CCDC137: variants seen among roughly 807,000 people sequenced by gnomAD.
The protein encoded by CCDC137 is coiled-coil domain containing 137.
Under a neutral mutation model 30.4 loss-of-function variants are expected in CCDC137, and 24 were observed. The observed-to-expected ratio is 0.79, with a 90% CI of 0.57 to 1.11. CCDC137 has a LOEUF of 1.11. Among genes scored for constraint, CCDC137 ranks in the 50% least tolerant of loss-of-function variants. CCDC137 has a pLI of 0.00. For missense variants in CCDC137, 417 were observed against 380.4 expected, an observed-to-expected ratio of 1.10 and a Z score of -0.80; for synonymous variants, 182 against 155.7, an observed-to-expected ratio of 1.17 and a Z score of -1.26.
chr17:81,672,860 G>C lies in CCDC137; in HGVS notation c.*156G>C. On this transcript the variant is annotated 3_prime_UTR_variant, in exon 6 of 6. Transcript: ENST00000329214. ...GCACTAGTGGGTCCACATCTTGCAG[G>C]GGGTGAGTGCCCGATGGACTAGGGC... The C allele has an allele frequency of 1.4e-6, 1 of 712,000 alleles. No individual in the cohort carries two copies. The highest frequency in any genetic ancestry group is 2.3e-6 in the Non-Finnish European group (1 of 439,790). The allele number at this position is 712,000 out of a possible 1,614,324, so 44.1% of individuals were successfully genotyped here. A position where few individuals can be genotyped will look rare whatever the true frequency, so the allele number is the denominator to read the frequency against.
Position 81,672,692 on chromosome 17 carries a change from G to A in CCDC137, c.858G>A (p.Glu286=). 6.3e-7 allele frequency: 1 copy of A among 1,589,750 alleles called. No individual in the cohort carries two copies. Among genetic ancestry groups the A allele is most frequent in the African/African-American group, 1.3e-5 (1 of 74,594 alleles). Residue 286 remains glutamate (E), a synonymous_variant, in exon 6 of 6, where the codon GAG becomes GAA. Coordinates refer to ENST00000329214, the MANE Select transcript of CCDC137 (RefSeq NM_199287.3). ...ACCTCACTTCCCGGAAGAAGCCAGA[G>A]CCGCAGCTGTGATGGAGAGACACCC... ...RPHLTSRKKP[E]PQL
rs1314664663 is a variant in CCDC137 at position 81,666,817 on chromosome 17, T to C, written c.51T>C (p.Pro17=). ...GAAVSRVQAG[P]GSPRRARGRQ... ...CGGTGTCCAGGGTGCAGGCGGGTCC[T>C]GGGAGTCCCCGGCGAGCGCGGGGGC... The change falls in exon 1 of 6, where the codon CCT becomes CCC. Residue 17 remains proline, a synonymous_variant. Transcript: ENST00000329214. The C allele has an allele frequency of 2.9e-6, 4 of 1,377,906 alleles. No homozygotes were observed. Among genetic ancestry groups the C allele is most frequent in the Non-Finnish European group, 3.8e-6 (4 of 1,062,222 alleles). The allele number at this position is 1,377,906 out of a possible 1,614,324, so 85.4% of individuals were successfully genotyped here.
At chr17:81,670,184 G>C (rs999293462) in intron 2 of CCDC137, 41 bp from the exon 3 acceptor site, 2 of 1,518,682 alleles carry the variant, frequency 1.3e-6, no homozygotes, top group South Asian at 1.2e-5. Flanking sequence ...GCCTGCCACT[G>C]TCTGCCTCCT....
At chr17:81,671,163 G>A (rs942076815) in intron 3 of CCDC137, among the ~76,000 whole-genome samples, 1 of 151,904 alleles carries the variant, frequency 6.6e-6, no homozygotes, top group Non-Finnish European at 1.5e-5. Flanking sequence ...AGCTTTGAAG[G>A]TTTGAGAGGT....
At chr17:81,669,841 A>G (rs888662586) in intron 2 of CCDC137, among the ~76,000 whole-genome samples, 2 of 150,812 alleles carry the variant, frequency 1.3e-5, no homozygotes, top group Non-Finnish European at 3.0e-5. Context: ...GATTACAGGC[A>G]TGAGCCACCG....
chr17:81,667,580 G>C (rs1035003451), intron 1 of CCDC137, 149 bp from the exon 2 acceptor site: 4 of 753,516 alleles, frequency 5.3e-6, no homozygotes, highest in Non-Finnish European at 8.5e-6. Context: ...GCCCATCTCG[G>C]CCTCCCAAAG....
At chr17:81,667,984 G>A in intron 2 of CCDC137, 122 bp downstream of exon 2, 1 of 1,236,730 alleles carries the variant, frequency 8.1e-7, no homozygotes, top group Non-Finnish European at 1.1e-6. Context: ...CTCAGAAGGT[G>A]GGGGAGCGTG....
At position 81,672,978 on chromosome 17, in the gene CCDC137, TGG is replaced by T. The variant is rs1275794308; in HGVS notation, c.*275_*276del. ...CGTCCATTCTGAGTCTCAGCCCAGG[TGG>T]ACCTTAGGAAGGGCTGGATCCCTGT... is the stretch of plus-strand genomic sequence containing the variant. On this transcript the variant is annotated 3_prime_UTR_variant, in exon 6 of 6. Coordinates refer to ENST00000329214, the MANE Select transcript of CCDC137 (RefSeq NM_199287.3). 1.6e-5 allele frequency: 8 copies of T among 509,324 alleles called. No individual in the cohort carries two copies. The highest frequency in any genetic ancestry group is 1.5e-4 in the African/African-American group (8 of 52,056). 31.6% of individuals were successfully genotyped at this position (509,324 alleles called of 1,614,324 possible).
chr17:81,670,669 C>T (rs1409537908), intron 3 of CCDC137, among the ~76,000 whole-genome samples: 7 of 152,190 alleles, frequency 4.6e-5, no homozygotes, highest in Admixed American at 3.3e-4. Flanking sequence ...CCTGGGAACT[C>T]TGCGGAGACC....
intron 5 of CCDC137, among the ~76,000 whole-genome samples, 157 bp from the exon 6 acceptor site, chr17:81,672,338 A>G (rs2036728794): frequency 6.7e-6 from 1 of 149,448 alleles, no homozygotes; most frequent in African/African-American, 2.5e-5. Context: ...ATCCTGTGTC[A>G]AGAAAAAAAA....
rs748766769 is a variant in CCDC137, at chr17:81,671,773, G to T, written c.527G>T (p.Arg176Leu). The change falls in exon 4 of 6, where the codon CGA becomes CTA. Residue 176 changes from arginine (R) to leucine (L), a missense_variant. Coordinates refer to ENST00000329214, the MANE Select transcript of CCDC137 (RefSeq NM_199287.3). ...CAGAAGCGGCGACTAGATAAAGTCC[G>T]ACGGAAAAAGGAGGAAAAGGCGGCA... ...AFQKRRLDKVRRKKEEKAADR... is the reference protein window; with the variant it reads ...AFQKRRLDKVLRKKEEKAADR... 8.1e-6 allele frequency: 13 copies of T among 1,612,494 alleles called. No homozygotes were observed. Among genetic ancestry groups the T allele is most frequent in the Non-Finnish European group, 1.1e-5 (13 of 1,179,772 alleles).
chr17:81,672,846 T>A lies in CCDC137; in HGVS notation c.*142T>A, dbSNP rs2036738425. 1.3e-6 allele frequency: 1 copy of A among 780,178 alleles called. No individual in the cohort carries two copies. Among genetic ancestry groups the A allele is most frequent in the Admixed American group, 2.9e-5 (1 of 34,362 alleles). The allele number at this position is 780,178 out of a possible 1,614,324, so 48.3% of individuals were successfully genotyped here. ...TGTTCACACGTTGGGCACTAGTGGGTCCACATCTTGCAGGGGGTGAGTGCC... is the reference window on the plus strand; with the variant it reads ...TGTTCACACGTTGGGCACTAGTGGGACCACATCTTGCAGGGGGTGAGTGCC... On this transcript the variant is annotated 3_prime_UTR_variant, in exon 6 of 6. Coordinates refer to ENST00000329214, the MANE Select transcript of CCDC137 (RefSeq NM_199287.3).
intron 5 of CCDC137, 142 bp from the exon 6 acceptor site, chr17:81,672,353 C>T (rs2036729093): frequency 1.1e-6 from 1 of 946,138 alleles, no homozygotes; most frequent in South Asian, 1.7e-5. Flanking sequence ...AAAAAAAAAC[C>T]CTCAGCCAAC....
chr17:81,671,549 G>C (rs919244367), intron 3 of CCDC137, 195 bp from the exon 4 acceptor site: 2 of 584,556 alleles, frequency 3.4e-6, no homozygotes, highest in African/African-American at 1.9e-5. Flanking sequence ...TGAGGGGCCT[G>C]TTGGGGTCAG....
chr17:81,672,041 G>A (rs775380947), intron 4 of CCDC137, 35 bp from the exon 5 acceptor site: 1 of 1,610,888 alleles, frequency 6.2e-7, no homozygotes, highest in Non-Finnish European at 8.5e-7. Flanking sequence ...CAGTGGCTGT[G>A]GGCAGCAGTC....
Position 81,672,971 on chromosome 17 carries a change from G to A in CCDC137, c.*267G>A. 1.9e-6 allele frequency: 1 copy of A among 521,218 alleles called. No homozygotes were observed. Among genetic ancestry groups the A allele is most frequent in the Non-Finnish European group, 3.4e-6 (1 of 292,544 alleles). 32.3% of individuals were successfully genotyped at this position (521,218 alleles called of 1,614,324 possible). A position where few individuals can be genotyped will look rare whatever the true frequency, so the allele number is the denominator to read the frequency against. On this transcript the variant is annotated 3_prime_UTR_variant, in exon 6 of 6. Transcript: ENST00000329214. ...TTTTGAACGTCCATTCTGAGTCTCA[G>A]CCCAGGTGGACCTTAGGAAGGGCTG...
At position 81,673,019 on chromosome 17, in the gene CCDC137, A is replaced by T. The variant is rs3088016; in HGVS notation, c.*315A>T. 7.3e-6 allele frequency: 3 copies of T among 413,748 alleles called. No individual in the cohort carries two copies. Among genetic ancestry groups the T allele is most frequent in the African/African-American group, 6.0e-5 (3 of 49,614 alleles). The allele number at this position is 413,748 out of a possible 1,614,324, so 25.6% of individuals were successfully genotyped here. Reference sequence around the variant, plus strand: ...CTGGATCCCTGTCCCTGAACACCAAATACCGAGACAGCTGATGAGGCTGGC... The same window carrying T: ...CTGGATCCCTGTCCCTGAACACCAATTACCGAGACAGCTGATGAGGCTGGC... On this transcript the variant is annotated 3_prime_UTR_variant, in exon 6 of 6. Transcript: ENST00000329214.
chr17:81,672,233 G>C, intron 5 of CCDC137, 78 bp downstream of exon 5: 1 of 1,434,078 alleles, frequency 7.0e-7, no homozygotes, highest in Non-Finnish European at 9.7e-7. Flanking sequence ...GGCTGGACAC[G>C]GTGGGTCACA....
chr17:81,666,982 A>G (rs2036640804), intron 1 of CCDC137, 82 bp downstream of exon 1: 1 of 1,228,128 alleles, frequency 8.1e-7, no homozygotes, highest in Non-Finnish European at 1.0e-6. Flanking sequence ...CCCCCTAGGG[A>G]GCGTTCGCTC....
Sources: allele counts gnomAD v4.1 joint callset (sites outside exome capture counted in the v4.1 genomes callset), GRCh38; gene constraint gnomAD v4.1.1; transcripts MANE v1.5; gene names NCBI Gene and HGNC (gene_info 2026-07-23, HGNC 2026-07-21).